The following TENM2 variants were observed in gnomAD, a reference collection of about 807,000 sequenced individuals.
TENM2 encodes teneurin transmembrane protein 2, also known as teneurin-2.
In TENM2, 52 loss-of-function variants were observed where a neutral mutation model predicts 245.2. The ratio of observed to expected loss-of-function variants is 0.21; its 90% CI spans 0.17 to 0.27. The LOEUF is 0.27. Among genes scored for constraint, TENM2 ranks in the 10% least tolerant of loss-of-function variants. TENM2 has a pLI of 1.00. For missense variants in TENM2, 3,046 were observed against 3,666.8 expected (o/e 0.83, Z 4.37); for synonymous variants, 1,363 against 1,438.9 (o/e 0.95, Z 1.19).
chr5:167,081,665 G>A, the TENM2 span, among the ~76,000 whole-genome samples: 1 of 152,094 alleles, frequency 6.6e-6, no homozygotes, highest in Non-Finnish European at 1.5e-5. Flanking sequence ...CTTATTGAGG[G>A]CCTATTACAT....
At chr5:167,081,173 T>C in the TENM2 span, among the ~76,000 whole-genome samples, 1 of 151,880 alleles carries the variant, frequency 6.6e-6, no homozygotes, top group East Asian at 2.0e-4. Context: ...TCAAGTATTA[T>C]GGACAGCCAA....
chr5:168,137,451 C>G (rs1211346458), intron 12 of TENM2, among the ~76,000 whole-genome samples: 1 of 152,232 alleles, frequency 6.6e-6, no homozygotes, highest in Non-Finnish European at 1.5e-5. Context: ...AACCACCTCA[C>G]AAGCACAGAG....
chr5:167,674,058 C>T (rs2150358049), intron 2 of TENM2, among the ~76,000 whole-genome samples: 1 of 152,214 alleles, frequency 6.6e-6, no homozygotes, highest in Non-Finnish European at 1.5e-5. Flanking sequence ...CATTAAACTC[C>T]TGAAAAAGCT....
intron 2 of TENM2, among the ~76,000 whole-genome samples, chr5:167,737,879 G>C (rs949741180): frequency 2.6e-5 from 4 of 152,198 alleles, no homozygotes; most frequent in African/African-American, 9.6e-5. Flanking sequence ...TCATGAAAAT[G>C]AATGGGGCTC....
At chr5:167,034,696 T>C in the TENM2 span, among the ~76,000 whole-genome samples, 1 of 151,682 alleles carries the variant, frequency 6.6e-6, no homozygotes, top group Non-Finnish European at 1.5e-5. Context: ...TGTGAATTGT[T>C]ATTATTATTT....
chr5:167,819,313 A>T (rs988415798), intron 2 of TENM2, among the ~76,000 whole-genome samples: 5 of 152,304 alleles, frequency 3.3e-5, no homozygotes, highest in Middle Eastern at 3.4e-3. Flanking sequence ...GGACAAAGTC[A>T]TTGGAAGTGA....
At chr5:167,571,506 C>CCCCCA (rs1327413823) in intron 2 of TENM2, among the ~76,000 whole-genome samples, 1 of 151,984 alleles carries the variant, frequency 6.6e-6, no homozygotes, top group Non-Finnish European at 1.5e-5. Flanking sequence ...ATCACCTAGC[C>CCCCCA]CCCCACCCTA....
chr5:167,585,186 G>C (rs1775400567), intron 2 of TENM2, among the ~76,000 whole-genome samples: 1 of 152,142 alleles, frequency 6.6e-6, no homozygotes, highest in African/African-American at 2.4e-5. Flanking sequence ...CCCTGAAGTA[G>C]ATCCGGATCC....
intron 2 of TENM2, among the ~76,000 whole-genome samples, chr5:167,609,732 C>T (rs946438080): frequency 7.9e-5 from 12 of 152,026 alleles, no homozygotes; most frequent in Non-Finnish European, 1.2e-4. Context: ...TGAGAAGCCA[C>T]TTTGGCTCTT....
At position 167,508,319 on chromosome 5, in the gene TENM2, C is replaced by T. The variant is rs373702239; in HGVS notation, c.502+132846C>T. Reference sequence around the variant, plus strand: ...ATATCCAGCTATCTTGCTAGTACAGCACCAAGCACAAAGAAAGGACAGTAG... The same window carrying T: ...ATATCCAGCTATCTTGCTAGTACAGTACCAAGCACAAAGAAAGGACAGTAG... On this transcript the variant is annotated intron_variant, in intron 2 of 28. Coordinates refer to ENST00000518659, the Ensembl canonical transcript of TENM2. Among the ~76,000 whole-genome samples, 10 of 152,224 alleles carry T rather than the reference C, an allele frequency of 6.6e-5. No homozygotes were observed. In the East Asian group the frequency reaches 1.5e-3, roughly 24 times the overall value.
At chr5:167,009,498 CTAAT>C in the TENM2 span, among the ~76,000 whole-genome samples, 1 of 152,086 alleles carries the variant, frequency 6.6e-6, no homozygotes. Flanking sequence ...TTAAAAATGT[CTAAT>C]TAATAATATT....
At chr5:167,301,270 C>A (rs1292297956) in intron 1 of TENM2, among the ~76,000 whole-genome samples, 2 of 152,210 alleles carry the variant, frequency 1.3e-5, no homozygotes, top group Non-Finnish European at 2.9e-5. Flanking sequence ...AGTGGGGTCC[C>A]ACACAGATGG....
intron 13 of TENM2, among the ~76,000 whole-genome samples, chr5:168,168,667 G>A (rs185503900): frequency 2.0e-4 from 26 of 130,002 alleles, no homozygotes; most frequent in Admixed American, 1.4e-3. Flanking sequence ...GGGCGACAGA[G>A]TGAGACCCTG....
At chr5:167,895,708 C>T (rs1321949186) in intron 3 of TENM2, among the ~76,000 whole-genome samples, 2 of 152,182 alleles carry the variant, frequency 1.3e-5, no homozygotes, top group African/African-American at 2.4e-5. Context: ...AGCAGGCTCC[C>T]AGGTGATGCC....
Position 167,698,656 on chromosome 5 carries a change from G to A in TENM2, c.503-177330G>A, listed in dbSNP as rs560108338. 2.0e-5 allele frequency among the ~76,000 whole-genome samples: 3 copies of A among 147,292 alleles called. No individual in the cohort carries two copies. In the East Asian group the frequency reaches 6.0e-4, roughly 29 times the overall value. On this transcript the variant is annotated intron_variant, in intron 2 of 28. Coordinates refer to ENST00000518659, the Ensembl canonical transcript of TENM2. ...TTCCATAAATAGTTTTTCTGTGTGTGTGTGTGTTTTGTTTTGTTTTTTGTT... is the reference window on the plus strand; with the variant it reads ...TTCCATAAATAGTTTTTCTGTGTGTATGTGTGTTTTGTTTTGTTTTTTGTT...
At chr5:167,465,667 A>G (rs1399297633) in intron 2 of TENM2, among the ~76,000 whole-genome samples, 3 of 152,134 alleles carry the variant, frequency 2.0e-5, no homozygotes, top group Non-Finnish European at 2.9e-5. Context: ...GTGTCTACTA[A>G]TAATACAAAA....
intron 12 of TENM2, among the ~76,000 whole-genome samples, chr5:168,133,740 A>C (rs1295233705): frequency 1.3e-5 from 2 of 152,364 alleles, no homozygotes; most frequent in African/African-American, 4.8e-5. Context: ...AAGTTGAATC[A>C]TCAGGCCCCA....
intron 27 of TENM2, among the ~76,000 whole-genome samples, chr5:168,249,123 C>CA (rs566693885): frequency 0.067 from 7,762 of 116,462 alleles, 249 homozygotes; most frequent in African/African-American, 0.098. Context: ...GACCCTGTCT[C>CA]AAAAAAAAAA....
chr5:167,452,950 T>TATATATATATATATATATATATATTTTAA (rs1554157772), intron 2 of TENM2, among the ~76,000 whole-genome samples: 13 of 99,642 alleles, frequency 1.3e-4, no homozygotes, highest in African/African-American at 3.7e-4. Flanking sequence ...TATATATATA[T>TATATATATATATATATATATATATTTTAA]ATATATATAT....
Sources: allele counts gnomAD v4.1 joint callset (sites outside exome capture counted in the v4.1 genomes callset), GRCh38; gene constraint gnomAD v4.1.1; transcripts MANE v1.5; gene names NCBI Gene and HGNC (gene_info 2026-07-23, HGNC 2026-07-21).